Variants in MAP4 observed in about 807,000 individuals in gnomAD.
The protein encoded by MAP4 is microtubule associated protein 4, also known as microtubule-associated protein 4.
A neutral mutation model predicts 170.2 loss-of-function variants in MAP4; 76 were observed. That is an observed-to-expected ratio of 0.45 (90% CI 0.37 to 0.54). The LOEUF (loss-of-function observed/expected upper bound fraction) is 0.54, where lower values mean the gene tolerates loss of function less well. Among genes scored for constraint, MAP4 ranks in the 20% least tolerant of loss-of-function variants. The pLI is 0.00. For synonymous variants in MAP4, 909 were observed against 994.5 expected (o/e 0.91, Z 1.62); for missense variants, 2,506 against 2,748.0 (o/e 0.91, Z 1.97).
At position 47,914,899 on chromosome 3, in the gene MAP4, G is replaced by A. The variant is rs747580221; in HGVS notation, c.1917C>T (p.Ala639=). Residue 639 remains alanine, a synonymous_variant, in exon 8 of 21, where the codon GCC becomes GCT. Transcript: ENST00000683076. ...GTTTTTCTAACACAGAATCCTCCTC[G>A]GCCGGCAAGCTGCACTTTTTCCCCG... ...TGTGKKCSLP[A]EEDSVLEKLG... is the part of the protein sequence containing the mutation. The A allele has an allele frequency of 8.1e-6, 13 of 1,613,984 alleles. No homozygotes were observed. The highest frequency in any genetic ancestry group is 2.2e-5 in the East Asian group (1 of 44,860).
chr3:47,864,814 C>T (rs997016706), intron 17 of MAP4, among the ~76,000 whole-genome samples: 4 of 152,198 alleles, frequency 2.6e-5, no homozygotes, highest in Admixed American at 6.5e-5. Context: ...TTGCAGTGAG[C>T]CGAGATTACG....
At chr3:47,872,993 G>A (rs916291755) in intron 12 of MAP4, among the ~76,000 whole-genome samples, 1 of 152,218 alleles carries the variant, frequency 6.6e-6, no homozygotes, top group African/African-American at 2.4e-5. Context: ...AGCGTGAGCT[G>A]TAGCCCTACT....
At chr3:47,918,067 C>T (rs752544545) in intron 6 of MAP4, among the ~76,000 whole-genome samples, 3 of 152,098 alleles carry the variant, frequency 2.0e-5, no homozygotes, top group Non-Finnish European at 4.4e-5. Context: ...ACAGCAACCT[C>T]TGCCTTCCGG....
chr3:47,996,693 CCTA>C (rs1408808931), intron 2 of MAP4, among the ~76,000 whole-genome samples: 2 of 151,092 alleles, frequency 1.3e-5, no homozygotes, highest in African/African-American at 2.4e-5. Context: ...TTGGCCTCAG[CCTA>C]CTATTTTACA....
chr3:47,857,359 C>T, intron 18 of MAP4, 72 bp downstream of exon 18: 2 of 1,262,968 alleles, frequency 1.6e-6, no homozygotes, highest in Non-Finnish European at 2.3e-6. Flanking sequence ...TGCCAGCCAG[C>T]TGGCTGCCCA....
At position 47,874,182 on chromosome 3, in the gene MAP4, A is replaced by G. The variant is rs149044247; in HGVS notation, c.5757+1503T>C. Among the ~76,000 whole-genome samples, 126 of 152,212 alleles carry G rather than the reference A, an allele frequency of 8.3e-4. 1 individual carries two copies. In the Middle Eastern group the frequency reaches 0.014, roughly 16 times the overall value. On this transcript the variant is annotated intron_variant, in intron 12 of 20. Coordinates refer to ENST00000683076, the MANE Select transcript of MAP4 (RefSeq NM_001385682.1). ...TCCTCATCTGGATAAAAGAGATTAGAACAGGACTGGCGCGGTGGCTCATGC... is the reference window on the plus strand; with the variant it reads ...TCCTCATCTGGATAAAAGAGATTAGGACAGGACTGGCGCGGTGGCTCATGC...
In MAP4 at chr3:47,951,298, T is replaced by TA. The variant is rs950793452; in HGVS notation, c.293-22949dup. On this transcript the variant is annotated intron_variant, in intron 3 of 20. Transcript: ENST00000683076. Reference sequence around the variant, plus strand: ...AAACTTTTTAAAGTATCTCACTTTTTAAAAAATTGGTCAGACCCTCTCCCT... The same window carrying TA: ...AAACTTTTTAAAGTATCTCACTTTTTAAAAAAATTGGTCAGACCCTCTCCCT... Among the ~76,000 whole-genome samples the TA allele has an allele frequency of 6.6e-5, 10 of 152,238 alleles. No individual in the cohort carries two copies. The South Asian group carries it at 1.2e-3, about 19-fold the overall frequency.
chr3:47,865,360 G>A (rs932638942), intron 17 of MAP4, among the ~76,000 whole-genome samples: 6 of 152,162 alleles, frequency 3.9e-5, no homozygotes, highest in African/African-American at 1.2e-4. Flanking sequence ...TGGGCCCCTC[G>A]TGGGCTGGAT....
At chr3:47,908,980 T>C in intron 9 of MAP4, 58 bp downstream of exon 9, 4 of 1,544,236 alleles carry the variant, frequency 2.6e-6, no homozygotes, top group Non-Finnish European at 3.5e-6. Flanking sequence ...GCTCTTTGCC[T>C]TTCTGATGCT....
At chr3:48,027,971 G>C (rs1376003185) in intron 1 of MAP4, among the ~76,000 whole-genome samples, 1 of 152,100 alleles carries the variant, frequency 6.6e-6, no homozygotes, top group Non-Finnish European at 1.5e-5. Context: ...TCTTAATCAA[G>C]ACCAACTTCA....
chr3:47,917,058 C>G lies in MAP4; in HGVS notation c.769G>C (p.Glu257Gln). Residue 257 changes from glutamate to glutamine, a missense_variant, in exon 7 of 21, where the codon GAG becomes CAG. Glu to Gln is a conservative substitution (Grantham distance 29, BLOSUM62 2). Transcript: ENST00000683076. The part of the protein sequence containing the change: ...TTDMAPSKET[E>Q]MALAKDMALA... ...GCCATGTCCTTGGCGAGGGCCATCT[C>G]TGTTTCTTTAGATGGTGCCATGTCA... 6.2e-7 allele frequency: 1 copy of G among 1,614,198 alleles called. No individual in the cohort carries two copies. The highest frequency in any genetic ancestry group is 8.5e-7 in the Non-Finnish European group (1 of 1,180,024).
At chr3:48,009,090 TTTG>T (rs371280122) in intron 1 of MAP4, among the ~76,000 whole-genome samples, 12 of 151,758 alleles carry the variant, frequency 7.9e-5, no homozygotes, top group East Asian at 3.9e-4. Flanking sequence ...GTTTTTTTGG[TTTG>T]TTGTTGTTGT....
chr3:47,979,463 T>G (rs2100084206), intron 2 of MAP4, among the ~76,000 whole-genome samples: 1 of 152,164 alleles, frequency 6.6e-6, no homozygotes, highest in Non-Finnish European at 1.5e-5. Context: ...ATTTGTACAG[T>G]AAGTCTTCTT....
chr3:47,965,610 G>A (rs903970693), intron 3 of MAP4, among the ~76,000 whole-genome samples: 2 of 152,160 alleles, frequency 1.3e-5, no homozygotes, highest in Non-Finnish European at 2.9e-5. Context: ...AGTATGAAGT[G>A]ATATTTCATT....
At chr3:47,966,354 C>A (rs995241879) in intron 3 of MAP4, among the ~76,000 whole-genome samples, 4 of 145,220 alleles carry the variant, frequency 2.8e-5, no homozygotes, top group African/African-American at 1.0e-4. Context: ...TCATGCCATT[C>A]TCCTGCCTCA....
At chr3:48,024,224 C>T (rs1214427618) in intron 1 of MAP4, among the ~76,000 whole-genome samples, 3 of 151,968 alleles carry the variant, frequency 2.0e-5, no homozygotes, top group Non-Finnish European at 4.4e-5. Flanking sequence ...GCAGGAGAAT[C>T]GCTTGAACCT....
chr3:48,048,655 C>T (rs2100125864), intron 1 of MAP4, among the ~76,000 whole-genome samples: 2 of 151,570 alleles, frequency 1.3e-5, no homozygotes, highest in Admixed American at 6.6e-5. Context: ...TAGCTGAGAC[C>T]ACAGGTGCAT....
chr3:48,077,057 G>A (rs2100144305), intron 1 of MAP4, among the ~76,000 whole-genome samples: 1 of 152,092 alleles, frequency 6.6e-6, no homozygotes, highest in African/African-American at 2.4e-5. Context: ...TGAGGTGGAA[G>A]AATCACCTGA....
chr3:47,858,944 T>C (rs553112200), intron 17 of MAP4, among the ~76,000 whole-genome samples: 410 of 152,072 alleles, frequency 2.7e-3, no homozygotes, highest in African/African-American at 3.8e-3. Context: ...CTGGCTAACA[T>C]GGTGAAACCC....
Sources: gnomAD v4.1 joint callset for allele counts (sites outside exome capture counted in the v4.1 genomes callset) on GRCh38, gnomAD v4.1.1 for gene constraint, MANE v1.5 for transcripts, NCBI Gene and HGNC (gene_info 2026-07-23, HGNC 2026-07-21) for gene names.